The following CTNNA3 variants were observed in gnomAD, a reference collection of about 807,000 sequenced individuals.
CTNNA3 encodes catenin alpha-3.
In CTNNA3, 76 loss-of-function variants were observed where a neutral mutation model predicts 95.7. The ratio of observed to expected loss-of-function variants is 0.79; its 90% confidence interval spans 0.66 to 0.96. The LOEUF is 0.96. CTNNA3 is among the 40% of genes least tolerant of loss of function. The pLI is 0.00. For synonymous variants in CTNNA3, 431 were observed against 374.4 expected (o/e 1.15, Z -1.74); for missense variants, 1,191 against 1,089.8 (o/e 1.09, Z -1.31).
intron 17 of CTNNA3, among the ~76,000 whole-genome samples, chr10:65,945,477 A>G (rs1178336453): frequency 6.6e-6 from 1 of 152,154 alleles, no homozygotes; most frequent in Non-Finnish European, 1.5e-5. Context: ...CTGCCCAAGG[A>G]AAGAGTGAGG....
rs1214426546 is a variant in CTNNA3 at position 66,199,768 on chromosome 10, T to C, written c.1884+80702A>G. Among the ~76,000 whole-genome samples, 4 of 6,618 alleles carry C rather than the reference T, an allele frequency of 6.0e-4. No individual in the cohort carries two copies. In the South Asian group the frequency reaches 0.024, roughly 39 times the overall value. The allele number at this position is 6,618 out of a possible 152,430, so 4.3% of individuals were successfully genotyped here. On this transcript the variant is annotated intron_variant, in intron 13 of 17. Coordinates refer to ENST00000433211, the MANE Select transcript of CTNNA3 (RefSeq NM_013266.4). ...AGGCGTGTGCCACCACGCCTGGCTA[T>C]ATATATATATATATATATATATATA...
intron 13 of CTNNA3, among the ~76,000 whole-genome samples, chr10:66,239,769 A>G (rs746258335): frequency 3.3e-5 from 5 of 151,888 alleles, no homozygotes; most frequent in Non-Finnish European, 5.9e-5. Context: ...GGGACAAGAC[A>G]TGTTGCTGTG....
intron 7 of CTNNA3, among the ~76,000 whole-genome samples, chr10:67,140,029 C>T (rs1860480291): frequency 6.6e-6 from 1 of 152,096 alleles, no homozygotes; most frequent in African/African-American, 2.4e-5. Flanking sequence ...TTTTAGAAGT[C>T]TCCAAGTGAA....
chr10:66,495,167 G>A (rs1037561374), intron 11 of CTNNA3, among the ~76,000 whole-genome samples: 1 of 152,132 alleles, frequency 6.6e-6, no homozygotes, highest in Admixed American at 6.5e-5. Flanking sequence ...CATGGCATAT[G>A]CATAAACCAC....
chr10:67,328,484 C>T (rs1841644882), intron 5 of CTNNA3, among the ~76,000 whole-genome samples: 1 of 152,146 alleles, frequency 6.6e-6, no homozygotes, highest in Non-Finnish European at 1.5e-5. Context: ...TGGCTGCTGC[C>T]CCTAACCCTT....
intron 13 of CTNNA3, among the ~76,000 whole-genome samples, chr10:66,245,886 A>G (rs548366534): frequency 7.9e-5 from 12 of 152,276 alleles, no homozygotes; most frequent in African/African-American, 2.4e-4. Context: ...TGGTCATCCC[A>G]TTGTCTGCTC....
chr10:66,105,178 G>A (rs770845393), intron 13 of CTNNA3, among the ~76,000 whole-genome samples: 1 of 151,518 alleles, frequency 6.6e-6, no homozygotes, highest in Non-Finnish European at 1.5e-5. Context: ...CTTCTTTGCT[G>A]CAACTACATG....
intron 13 of CTNNA3, among the ~76,000 whole-genome samples, chr10:66,237,097 C>T (rs1213769063): frequency 1.3e-5 from 2 of 152,082 alleles, no homozygotes; most frequent in African/African-American, 4.8e-5. Flanking sequence ...ACCACTGCAA[C>T]AGAGCAAGGT....
At chr10:66,645,670 G>C (rs1845682904) in intron 9 of CTNNA3, among the ~76,000 whole-genome samples, 1 of 152,142 alleles carries the variant, frequency 6.6e-6, no homozygotes, top group East Asian at 1.9e-4. Context: ...TTTGCCTTCT[G>C]TCAGATCAGC....
intron 9 of CTNNA3, among the ~76,000 whole-genome samples, chr10:66,715,431 C>A (rs1285417381): frequency 6.6e-6 from 1 of 152,016 alleles, no homozygotes. Context: ...TAAGCCCACT[C>A]CTAGATATGC....
At chr10:65,971,377 G>T (rs995562422) in intron 16 of CTNNA3, among the ~76,000 whole-genome samples, 33 of 85,586 alleles carry the variant, frequency 3.9e-4, no homozygotes, top group Admixed American at 3.3e-3. Context: ...GACCAAAGTT[G>T]TGTTTTTTTT....
intron 14 of CTNNA3, among the ~76,000 whole-genome samples, chr10:66,098,411 C>A (rs905702931): frequency 6.6e-6 from 1 of 151,964 alleles, no homozygotes; most frequent in African/African-American, 2.4e-5. Context: ...TTAGTAAAAC[C>A]AAACGGAAAA....
At chr10:67,280,237 C>T (rs531803756) in intron 5 of CTNNA3, among the ~76,000 whole-genome samples, 38 of 150,222 alleles carry the variant, frequency 2.5e-4, no homozygotes, top group Non-Finnish European at 5.3e-4. Flanking sequence ...TCTTTTGTCC[C>T]CCGCCCTGAA....
chr10:66,141,033 A>T (rs1357744414), intron 13 of CTNNA3, among the ~76,000 whole-genome samples: 1 of 151,978 alleles, frequency 6.6e-6, no homozygotes, highest in Non-Finnish European at 1.5e-5. Flanking sequence ...CCGAGGCGGG[A>T]GGATCACCTG....
chr10:65,933,983 T>C (rs148382793), intron 17 of CTNNA3, among the ~76,000 whole-genome samples: 17 of 152,250 alleles, frequency 1.1e-4, no homozygotes, highest in Non-Finnish European at 2.1e-4. Flanking sequence ...ACTTCTTAAG[T>C]GATGGTGTAA....
intron 7 of CTNNA3, among the ~76,000 whole-genome samples, chr10:66,987,359 G>A (rs980564658): frequency 2.0e-5 from 3 of 152,162 alleles, no homozygotes; most frequent in South Asian, 4.1e-4. Flanking sequence ...AGTGATCATA[G>A]TCTGTGGACT....
At chr10:66,005,140 T>C (rs1378483877) in intron 15 of CTNNA3, among the ~76,000 whole-genome samples, 1 of 152,092 alleles carries the variant, frequency 6.6e-6, no homozygotes, top group Non-Finnish European at 1.5e-5. Flanking sequence ...ATCACACTTA[T>C]GTCCTTCTCC....
chr10:66,817,440 G>C (rs1014746884), intron 7 of CTNNA3, among the ~76,000 whole-genome samples: 1 of 151,784 alleles, frequency 6.6e-6, no homozygotes, highest in African/African-American at 2.4e-5. Context: ...CAACAAAAAA[G>C]AGAGAATTCT....
At chr10:67,567,255 C>CAAAAA (rs57832662) in intron 3 of CTNNA3, among the ~76,000 whole-genome samples, 2 of 135,452 alleles carry the variant, frequency 1.5e-5, no homozygotes, top group African/African-American at 5.2e-5. Flanking sequence ...GAGAAAATGG[C>CAAAAA]AAAAAAAAAA....
Sources: allele counts gnomAD v4.1 joint callset (sites outside exome capture counted in the v4.1 genomes callset), GRCh38; gene constraint gnomAD v4.1.1; transcripts MANE v1.5; gene names NCBI Gene and HGNC (gene_info 2026-07-23, HGNC 2026-07-21).